Variants in TGFA observed in about 807,000 individuals in gnomAD.
The protein encoded by TGFA is transforming growth factor alpha.
Under a neutral mutation model 21.7 loss-of-function variants are expected in TGFA, and 12 were observed. The ratio of observed to expected loss-of-function variants is 0.55; its 90% confidence interval spans 0.35 to 0.90. The LOEUF (loss-of-function observed/expected upper bound fraction) is 0.90, where lower values mean the gene tolerates loss of function less well. TGFA is among the 40% of genes least tolerant of loss of function. TGFA has a pLI of 0.01. For missense variants in TGFA, 178 were observed against 210.8 expected (o/e 0.84, Z 0.96); for synonymous variants, 79 against 88.1 (o/e 0.90, Z 0.58).
chr2:70,536,963 T>C (rs782175154), intron 1 of TGFA, among the ~76,000 whole-genome samples: 1 of 151,582 alleles, frequency 6.6e-6, no homozygotes, highest in Non-Finnish European at 1.5e-5. Flanking sequence ...GATACTGTGG[T>C]TTTTTGTTTT....
At chr2:70,496,043 C>T (rs1671569020) in intron 2 of TGFA, among the ~76,000 whole-genome samples, 4 of 152,086 alleles carry the variant, frequency 2.6e-5, no homozygotes, top group African/African-American at 9.7e-5. Context: ...GGCTCCTGAG[C>T]ACTGAGGAGC....
At position 70,449,098 on chromosome 2, in the gene TGFA, C is replaced by T. The variant is rs1331055729; in HGVS notation, c.*1761G>A. On this transcript the variant is annotated 3_prime_UTR_variant, in exon 6 of 6. Transcript: ENST00000295400. ...GTCAACTACGTTGCTAGGGGGTCAGCTCTGAACAGATCCAAGTGCTTCAGG... is the reference window on the plus strand; with the variant it reads ...GTCAACTACGTTGCTAGGGGGTCAGTTCTGAACAGATCCAAGTGCTTCAGG... 2.0e-5 allele frequency: 3 copies of T among 152,166 alleles called. No homozygotes were observed. The highest frequency in any genetic ancestry group is 2.9e-5 in the Non-Finnish European group (2 of 68,052). 9.4% of individuals were successfully genotyped at this position (152,166 alleles called of 1,614,324 possible).
At chr2:70,514,296 A>G (rs1478581002) in intron 2 of TGFA, among the ~76,000 whole-genome samples, 1 of 152,180 alleles carries the variant, frequency 6.6e-6, no homozygotes, top group African/African-American at 2.4e-5. Context: ...GGCAAAAGCA[A>G]CATGCAAATC....
rs532954721 is a variant in TGFA, at chr2:70,534,396, G to A, written c.40+19332C>T. Among the ~76,000 whole-genome samples the A allele has an allele frequency of 2.5e-4, 38 of 152,312 alleles. No individual in the cohort carries two copies. In the East Asian group the frequency reaches 7.3e-3, roughly 29 times the overall value. On this transcript the variant is annotated intron_variant, in intron 1 of 5. Coordinates refer to ENST00000295400, the MANE Select transcript of TGFA (RefSeq NM_003236.4). Reference sequence around the variant, plus strand: ...GTTTGGGGGAAATGTTGGTGGGGAGGTGTAGAGGGGGATGAGGAGGAGGTG... The same window carrying A: ...GTTTGGGGGAAATGTTGGTGGGGAGATGTAGAGGGGGATGAGGAGGAGGTG...
chr2:70,539,024 T>C lies in TGFA; in HGVS notation c.40+14704A>G, dbSNP rs1673055314. Reference sequence around the variant, plus strand: ...CCTGATCAGTCAGCAGCCAACGACATCAAGGTGATATCCTTCACCAACAAA... The same window carrying C: ...CCTGATCAGTCAGCAGCCAACGACACCAAGGTGATATCCTTCACCAACAAA... On this transcript the variant is annotated intron_variant, in intron 1 of 5. Coordinates refer to ENST00000295400, the MANE Select transcript of TGFA (RefSeq NM_003236.4). Among the ~76,000 whole-genome samples, 3 of 152,328 alleles carry C rather than the reference T, an allele frequency of 2.0e-5. No individual in the cohort carries two copies. The South Asian group carries it at 6.2e-4, about 32-fold the overall frequency.
intron 1 of TGFA, among the ~76,000 whole-genome samples, chr2:70,533,611 AGGCTGCTG>A (rs1672881995): frequency 1.6e-5 from 2 of 123,360 alleles, no homozygotes; most frequent in African/African-American, 3.2e-5. Flanking sequence ...CCAGCAGGAT[AGGCTGCTG>A]GATAGGCTGC....
intron 1 of TGFA, among the ~76,000 whole-genome samples, chr2:70,546,889 C>T (rs1400692538): frequency 1.3e-5 from 2 of 152,108 alleles, no homozygotes; most frequent in African/African-American, 4.8e-5. Context: ...TTTTAAATAG[C>T]TACACAGTAA....
At chr2:70,546,620 T>C (rs1488569665) in intron 1 of TGFA, among the ~76,000 whole-genome samples, 2 of 152,018 alleles carry the variant, frequency 1.3e-5, no homozygotes, top group African/African-American at 4.8e-5. Context: ...ACTACAGGCA[T>C]GCACTACCAC....
intron 3 of TGFA, 27 bp from the exon 4 acceptor site, chr2:70,456,515 C>T (rs1670234286): frequency 6.3e-7 from 1 of 1,581,316 alleles, no homozygotes; most frequent in Non-Finnish European, 8.6e-7. Flanking sequence ...CGTCAGTGCA[C>T]TCTCCTGACA....
chr2:70,451,000 CAA>C, intron 5 of TGFA, 134 bp from the exon 6 acceptor site: 1 of 1,047,128 alleles, frequency 9.5e-7, no homozygotes, highest in Non-Finnish European at 1.4e-6. Context: ...GGCCCGAGTC[CAA>C]ATTCTGCTGG....
chr2:70,547,984 C>T (rs1414367966), intron 1 of TGFA, among the ~76,000 whole-genome samples: 1 of 151,834 alleles, frequency 6.6e-6, no homozygotes, highest in East Asian at 1.9e-4. Context: ...AAAACACTCT[C>T]TTACACTTGT....
intron 2 of TGFA, among the ~76,000 whole-genome samples, chr2:70,486,297 T>G (rs1283150851): frequency 6.6e-6 from 1 of 152,176 alleles, no homozygotes; most frequent in Non-Finnish European, 1.5e-5. Flanking sequence ...AGGCAGGATA[T>G]TTTGCCTCCT....
At chr2:70,488,939 T>C (rs1671346568) in intron 2 of TGFA, among the ~76,000 whole-genome samples, 1 of 152,136 alleles carries the variant, frequency 6.6e-6, no homozygotes, top group Non-Finnish European at 1.5e-5. Context: ...TAACCATCCC[T>C]GACAGAAAAA....
At chr2:70,550,648 G>A (rs1245092686) in intron 1 of TGFA, among the ~76,000 whole-genome samples, 4 of 151,910 alleles carry the variant, frequency 2.6e-5, no homozygotes, top group Admixed American at 6.6e-5. Context: ...GTGAAACCCC[G>A]TCTCTACTAA....
chr2:70,541,733 G>GTCCAGATCCAGA (rs1480977031), intron 1 of TGFA, among the ~76,000 whole-genome samples: 1 of 152,118 alleles, frequency 6.6e-6, no homozygotes, highest in African/African-American at 2.4e-5. Context: ...TTCAGAGAGA[G>GTCCAGATCCAGA]TCCAGATCCA....
At chr2:70,490,740 T>C (rs1671411492) in intron 2 of TGFA, among the ~76,000 whole-genome samples, 1 of 152,218 alleles carries the variant, frequency 6.6e-6, no homozygotes, top group African/African-American at 2.4e-5. Flanking sequence ...AGGTGAGTTA[T>C]GAAAAGACAT....
intron 2 of TGFA, among the ~76,000 whole-genome samples, chr2:70,468,976 A>G (rs1422582488): frequency 3.9e-5 from 6 of 152,148 alleles, no homozygotes; most frequent in East Asian, 1.9e-4. Context: ...CCTGGTGTCA[A>G]AAAGGTTGGG....
intron 2 of TGFA, among the ~76,000 whole-genome samples, chr2:70,511,619 G>A (rs1390718189): frequency 6.6e-6 from 1 of 152,204 alleles, no homozygotes; most frequent in Admixed American, 6.5e-5. Flanking sequence ...TTCTGGTGCA[G>A]TAATGGAATT....
intron 1 of TGFA, among the ~76,000 whole-genome samples, chr2:70,528,518 G>T (rs1353307144): frequency 6.6e-6 from 1 of 151,702 alleles, no homozygotes; most frequent in African/African-American, 2.4e-5. Flanking sequence ...AGAACGATGT[G>T]GGGGGCGGGT....
Sources: gnomAD v4.1 joint callset for allele counts (sites outside exome capture counted in the v4.1 genomes callset) on GRCh38, gnomAD v4.1.1 for gene constraint, MANE v1.5 for transcripts, NCBI Gene and HGNC (gene_info 2026-07-23, HGNC 2026-07-21) for gene names.